The following SLC35F4 variants were observed in gnomAD, a reference collection of about 807,000 sequenced individuals.
The protein encoded by SLC35F4 is chromosome 14 open reading frame 36.
A neutral mutation model predicts 44.2 loss-of-function variants in SLC35F4; 24 were observed. The observed-to-expected ratio is 0.54, with a 90% CI of 0.39 to 0.76. The LOEUF (loss-of-function observed/expected upper bound fraction) is 0.76. Among genes scored for constraint, SLC35F4 ranks in the 30% least tolerant of loss-of-function variants. The pLI, the probability that SLC35F4 is intolerant of heterozygous loss-of-function variation, is 0.00. For synonymous variants in SLC35F4, 238 were observed against 223.6 expected, an observed-to-expected ratio of 1.06 and a Z score of -0.57; for missense variants, 562 against 586.1, an observed-to-expected ratio of 0.96 and a Z score of 0.42.
At chr14:57,727,170 C>T (rs2076226952) in intron 1 of SLC35F4, among the ~76,000 whole-genome samples, 1 of 150,980 alleles carries the variant, frequency 6.6e-6, no homozygotes. Context: ...TTAGTTATGT[C>T]CCTCTAGAGA....
chr14:57,631,512 G>C (rs1216227032), intron 1 of SLC35F4, among the ~76,000 whole-genome samples: 1 of 152,044 alleles, frequency 6.6e-6, no homozygotes, highest in African/African-American at 2.4e-5. Context: ...CTGAAATTTT[G>C]ATGCTTACAG....
chr14:57,742,002 C>T (rs1175857125), intron 1 of SLC35F4, among the ~76,000 whole-genome samples: 1 of 152,106 alleles, frequency 6.6e-6, no homozygotes, highest in Non-Finnish European at 1.5e-5. Flanking sequence ...GAAATAAAAT[C>T]CTTTAAAGAC....
At chr14:57,721,123 A>G (rs1011996851) in intron 1 of SLC35F4, among the ~76,000 whole-genome samples, 1 of 151,162 alleles carries the variant, frequency 6.6e-6, no homozygotes, top group African/African-American at 2.4e-5. Flanking sequence ...CCAGAGGAAC[A>G]GAATATTAAG....
intron 1 of SLC35F4, among the ~76,000 whole-genome samples, chr14:57,753,531 G>A (rs2076931998): frequency 6.6e-6 from 1 of 152,136 alleles, no homozygotes; most frequent in Non-Finnish European, 1.5e-5. Context: ...GTTGGCACAA[G>A]CTGCTTTCTC....
intron 1 of SLC35F4, among the ~76,000 whole-genome samples, chr14:57,858,428 G>A (rs897246511): frequency 6.6e-6 from 1 of 151,762 alleles, no homozygotes; most frequent in Non-Finnish European, 1.5e-5. Flanking sequence ...ACTATCGCAA[G>A]GACAAAAAAC....
intron 1 of SLC35F4, among the ~76,000 whole-genome samples, chr14:57,913,823 C>G (rs1889263233): frequency 6.6e-6 from 1 of 152,180 alleles, no homozygotes; most frequent in Non-Finnish European, 1.5e-5. Context: ...CATTTTCTGT[C>G]TCTCTGAAGA....
intron 1 of SLC35F4, among the ~76,000 whole-genome samples, chr14:57,816,095 T>A (rs1323808114): frequency 6.6e-6 from 1 of 152,156 alleles, no homozygotes; most frequent in Non-Finnish European, 1.5e-5. Context: ...ACATTTTATA[T>A]TGTCTCTGAG....
At position 57,755,910 on chromosome 14, in the gene SLC35F4, T is replaced by C. The variant is rs192163732; in HGVS notation, c.103+109813A>G. On this transcript the variant is annotated intron_variant, in intron 1 of 7. Transcript: ENST00000556826. The stretch of plus-strand genomic sequence containing the variant: ...GCCTCGGAGGCCAGGCTAGACTCCA[T>C]GTGCTCTTCTATCATACCACGCCAT... 2.0e-3 allele frequency among the ~76,000 whole-genome samples: 304 copies of C among 152,338 alleles called. 1 individual carries two copies. The highest frequency in any genetic ancestry group is 6.9e-3 in the African/African-American group (286 of 41,576).
chr14:57,588,128 C>T (rs567452459), intron 3 of SLC35F4, among the ~76,000 whole-genome samples: 56 of 152,308 alleles, frequency 3.7e-4, no homozygotes, highest in African/African-American at 1.3e-3. Context: ...GATCGTGCCA[C>T]TGCACTCCAG....
At chr14:57,939,022 A>AT in intron 1 of SLC35F4, among the ~76,000 whole-genome samples, 1 of 151,778 alleles carries the variant, frequency 6.6e-6, no homozygotes, top group Non-Finnish European at 1.5e-5. Context: ...CCCCTGGAGG[A>AT]TTTTGGGAAG....
At chr14:57,928,058 G>GA (rs376481674) in intron 1 of SLC35F4, among the ~76,000 whole-genome samples, 2,623 of 144,820 alleles carry the variant, frequency 0.018, 48 homozygotes, top group Non-Finnish European at 0.029. Flanking sequence ...CACCACAGAA[G>GA]AAAAAAAAAA....
At chr14:57,597,450 C>T (rs537055344) in intron 1 of SLC35F4, among the ~76,000 whole-genome samples, 19 of 152,296 alleles carry the variant, frequency 1.2e-4, no homozygotes, top group African/African-American at 3.4e-4. Context: ...TTATTAAGCA[C>T]CTATTATGGG....
At chr14:57,880,058 AAGGAAGGAAGGAAGGAAGGAAGGAAG>A (rs1888494817) in intron 1 of SLC35F4, among the ~76,000 whole-genome samples, 1 of 87,648 alleles carries the variant, frequency 1.1e-5, no homozygotes, top group African/African-American at 4.4e-5. Flanking sequence ...GGAAGGAAGG[AAGGAAGGAAGGAAGGAAGGAAGGAAG>A]GAAGGAAGGA....
At chr14:57,739,848 A>C (rs1459279897) in intron 1 of SLC35F4, among the ~76,000 whole-genome samples, 2 of 152,204 alleles carry the variant, frequency 1.3e-5, no homozygotes, top group Non-Finnish European at 2.9e-5. Context: ...AACTCTCAGC[A>C]AACAGTGGCT....
chr14:57,830,230 T>G (rs1043166178), intron 1 of SLC35F4, among the ~76,000 whole-genome samples: 1 of 152,322 alleles, frequency 6.6e-6, no homozygotes, highest in South Asian at 2.1e-4. Flanking sequence ...ACATTTCAAC[T>G]GTGTGGTTTT....
intron 1 of SLC35F4, among the ~76,000 whole-genome samples, chr14:57,739,889 T>G (rs2140506278): frequency 6.6e-6 from 1 of 152,334 alleles, no homozygotes; most frequent in African/African-American, 2.4e-5. Context: ...AGACAGTGTC[T>G]CACTCTGCTG....
intron 1 of SLC35F4, among the ~76,000 whole-genome samples, chr14:57,705,720 C>T (rs1040373020): frequency 6.6e-6 from 1 of 152,184 alleles, no homozygotes; most frequent in Non-Finnish European, 1.5e-5. Context: ...GAATGTTTCA[C>T]CATCCCTTAC....
chr14:57,569,363 CCTTCCTTT>C (rs1228213791), intron 6 of SLC35F4, among the ~76,000 whole-genome samples: 25 of 152,204 alleles, frequency 1.6e-4, no homozygotes, highest in African/African-American at 6.0e-4. Flanking sequence ...TCCCTCCCTT[CCTTCCTTT>C]CTTCCAAACT....
At chr14:57,685,024 T>C (rs1165683837) in intron 1 of SLC35F4, among the ~76,000 whole-genome samples, 1 of 152,194 alleles carries the variant, frequency 6.6e-6, no homozygotes, top group African/African-American at 2.4e-5. Context: ...TCTCATTTTA[T>C]ATTATATGTG....
Sources: allele counts gnomAD v4.1 joint callset (sites outside exome capture counted in the v4.1 genomes callset), GRCh38; gene constraint gnomAD v4.1.1; transcripts MANE v1.5; gene names NCBI Gene and HGNC (gene_info 2026-07-23, HGNC 2026-07-21).